RARA: variants seen among roughly 807,000 people sequenced by gnomAD.
RARA encodes the protein retinoic acid receptor alpha.
A neutral mutation model predicts 42.8 loss-of-function variants in RARA; 5 were observed. The observed-to-expected ratio is 0.12, with a 90% confidence interval of 0.06 to 0.25. RARA has a LOEUF of 0.25. RARA is among the 10% of genes least tolerant of loss of function. The pLI is 1.00. For missense variants in RARA, 402 were observed against 628.7 expected (o/e 0.64, Z 3.86); for synonymous variants, 256 against 259.5 (o/e 0.99, Z 0.13).
Position 40,314,263 on chromosome 17 carries a change from A to T in RARA, c.-363+4977A>T, listed in dbSNP as rs564129785. 4.6e-5 allele frequency among the ~76,000 whole-genome samples: 7 copies of T among 151,452 alleles called. No homozygotes were observed. In the East Asian group the frequency reaches 1.4e-3, roughly 30 times the overall value. Reference sequence around the variant, plus strand: ...TCAGCTCTGGTAACTCAATCCCTGCACCCCACCCTCCCAATTTCCCTCCTG... The same window carrying T: ...TCAGCTCTGGTAACTCAATCCCTGCTCCCCACCCTCCCAATTTCCCTCCTG... On this transcript the variant is annotated intron_variant, in intron 1 of 8. Transcript: ENST00000254066.
rs142933045 is a variant in RARA, at chr17:40,331,429, G to A, written c.178+33G>A. Reference sequence around the variant, plus strand: ...TGGGTGTGGGGGCTGGGGTGGGAAGGGACTGTGGAGGGTGGCAGGCCTCAG... The same window carrying A: ...TGGGTGTGGGGGCTGGGGTGGGAAGAGACTGTGGAGGGTGGCAGGCCTCAG... On this transcript the variant is annotated intron_variant, in intron 2 of 8. Coordinates refer to ENST00000254066, the MANE Select transcript of RARA (RefSeq NM_000964.4). 270 of 1,596,518 alleles carry A rather than the reference G, an allele frequency of 1.7e-4. 4 individuals are homozygous for A. The African/African-American group carries it at 3.2e-3, about 19-fold the overall frequency.
chr17:40,333,509 T>C (rs1291788479), intron 2 of RARA, among the ~76,000 whole-genome samples: 1 of 151,752 alleles, frequency 6.6e-6, no homozygotes, highest in African/African-American at 2.4e-5. Context: ...ATTTTTTTTG[T>C]ATTTTTAGTA....
At chr17:40,349,571 C>T in intron 3 of RARA, 1 of 568,040 alleles carries the variant, frequency 1.8e-6, no homozygotes, top group Non-Finnish European at 3.1e-6. Flanking sequence ...TCCTGCCCAT[C>T]CTGCAGTGTT....
chr17:40,355,631 G>C lies in RARA; in HGVS notation c.1171+210G>C, dbSNP rs1467513371. Among the ~76,000 whole-genome samples, 1 of 152,240 alleles carries C rather than the reference G, an allele frequency of 6.6e-6. No homozygotes were observed. Among genetic ancestry groups the C allele is most frequent in the Non-Finnish European group, 1.5e-5 (1 of 68,034 alleles). ...AGTTCAGATCGTGGCTCTGGAACCA[G>C]ACACGTGGGTGTGTGTCCTTGTGTG... is the stretch of plus-strand genomic sequence containing the variant. On this transcript the variant is annotated intron_variant, in intron 8 of 8. Coordinates refer to ENST00000254066, the MANE Select transcript of RARA (RefSeq NM_000964.4). This position sits in a 1 kb window ranked among gnomAD's most constrained non-coding sequence, Gnocchi z 4.1.
intron 2 of RARA, chr17:40,343,162 C>T (rs2143403543): frequency 5.8e-6 from 2 of 347,070 alleles, no homozygotes; most frequent in South Asian, 1.3e-4. Flanking sequence ...GCCCAAGCCC[C>T]TTGCCCCCAG....
At chr17:40,337,505 C>A (rs556907407) in intron 2 of RARA, among the ~76,000 whole-genome samples, 107 of 152,234 alleles carry the variant, frequency 7.0e-4, no homozygotes, top group African/African-American at 2.4e-3. Flanking sequence ...TCACACCATC[C>A]CCACCCCCAA....
At chr17:40,348,563 A>G in intron 3 of RARA, 99 bp downstream of exon 3, 1 of 1,411,126 alleles carries the variant, frequency 7.1e-7, no homozygotes, top group Non-Finnish European at 9.4e-7. Flanking sequence ...GTGTCCCTGA[A>G]GTTGCTGCTC....
intron 1 of RARA, among the ~76,000 whole-genome samples, chr17:40,321,346 C>A (rs1161422639): frequency 1.3e-5 from 2 of 151,902 alleles, no homozygotes; most frequent in Non-Finnish European, 2.9e-5. Flanking sequence ...TCCCCTCGCT[C>A]CCCCCTAGCT....
chr17:40,325,339 TG>T (rs2033509976), intron 1 of RARA, among the ~76,000 whole-genome samples: 1 of 152,054 alleles, frequency 6.6e-6, no homozygotes, highest in African/African-American at 2.4e-5. Context: ...GCCCAGACCC[TG>T]GTGAACAGAC....
chr17:40,324,635 G>C (rs1020949885), intron 1 of RARA, among the ~76,000 whole-genome samples: 2 of 152,194 alleles, frequency 1.3e-5, no homozygotes, highest in Non-Finnish European at 2.9e-5. Context: ...CTGCAGCTCT[G>C]TGTAGCTGGG....
intron 1 of RARA, among the ~76,000 whole-genome samples, chr17:40,315,150 A>G (rs1442564467): frequency 3.2e-4 from 42 of 131,628 alleles, no homozygotes; most frequent in African/African-American, 1.1e-3. Flanking sequence ...ATATATATAT[A>G]TATATATATA....
chr17:40,340,478 T>G (rs1164745219), intron 2 of RARA, among the ~76,000 whole-genome samples: 1 of 152,222 alleles, frequency 6.6e-6, no homozygotes, highest in Non-Finnish European at 1.5e-5. Flanking sequence ...TGCCCCATGA[T>G]TCTAGCCTTC....
chr17:40,342,528 C>T, intron 2 of RARA: 3 of 1,318,092 alleles, frequency 2.3e-6, no homozygotes, highest in East Asian at 3.1e-5. Context: ...GCGGAGCGGC[C>T]GGCGGACTTA....
Position 40,355,527 on chromosome 17 carries a change from TC to T in RARA, c.1171+110del. 7.1e-7 allele frequency: 1 copy of T among 1,408,126 alleles called. No individual in the cohort carries two copies. The highest frequency in any genetic ancestry group is 9.5e-7 in the Non-Finnish European group (1 of 1,051,042). The allele number at this position is 1,408,126 out of a possible 1,614,324, so 87.2% of individuals were successfully genotyped here. On this transcript the variant is annotated intron_variant, in intron 8 of 8. Transcript: ENST00000254066. This position sits in a 1 kb window ranked among gnomAD's most constrained non-coding sequence, Gnocchi z 4.1. ...TTGTGCCAGGACAATACGACACCTG[TC>T]CCCATCTGTGTCTAGGCTGAGGTCC...
chr17:40,342,513 G>A (rs1427607781), intron 2 of RARA: 2 of 1,323,002 alleles, frequency 1.5e-6, no homozygotes, highest in African/African-American at 1.5e-5. Flanking sequence ...TTTTCACCGG[G>A]ACTGGCGGAG....
At chr17:40,343,908 G>T (rs2034161725) in intron 2 of RARA, among the ~76,000 whole-genome samples, 1 of 152,306 alleles carries the variant, frequency 6.6e-6, no homozygotes, top group African/African-American at 2.4e-5. Flanking sequence ...GCATTTTCCT[G>T]CGCAGCTGTG....
chr17:40,315,685 G>A lies in RARA; in HGVS notation c.-363+6399G>A, dbSNP rs1598528877. ...CCACAGGCTGTGAGAAGACAGCCTT[G>A]TTGTACTAGAAGTGTGGGCCCTCCT... On this transcript the variant is annotated intron_variant, in intron 1 of 8. Coordinates refer to ENST00000254066, the MANE Select transcript of RARA (RefSeq NM_000964.4). Among the ~76,000 whole-genome samples, 4 of 152,226 alleles carry A rather than the reference G, an allele frequency of 2.6e-5. No individual in the cohort carries two copies. The South Asian group carries it at 8.3e-4, about 31-fold the overall frequency.
intron 2 of RARA, chr17:40,342,620 C>T (rs1187363151): frequency 2.0e-6 from 3 of 1,529,916 alleles, no homozygotes; most frequent in Admixed American, 3.8e-5. Context: ...CCCCCAGCTG[C>T]TCTGCTCGGA....
chr17:40,338,170 C>G (rs1041421853), intron 2 of RARA, among the ~76,000 whole-genome samples: 4 of 152,214 alleles, frequency 2.6e-5, no homozygotes, highest in Non-Finnish European at 5.9e-5. Context: ...TGTGTCTACC[C>G]CATGCCAAGG....
Sources: gnomAD v4.1 joint callset for allele counts (sites outside exome capture counted in the v4.1 genomes callset) on GRCh38, gnomAD v4.1.1 for gene constraint, Gnocchi (gnomAD v3.1) non-coding constraint, MANE v1.5 for transcripts, NCBI Gene and HGNC (gene_info 2026-07-23, HGNC 2026-07-21) for gene names.